EFEMP2: variants seen among roughly 807,000 people sequenced by gnomAD.
EFEMP2 encodes EGF-like fibulin extracellular matrix protein 2, also known as EGF-containing fibulin-like extracellular matrix protein 2.
Under a neutral mutation model 55.3 loss-of-function variants are expected in EFEMP2, and 21 were observed. The ratio of observed to expected loss-of-function variants is 0.38; its 90% CI spans 0.27 to 0.55. EFEMP2 has a LOEUF of 0.55. Among genes scored for constraint, EFEMP2 ranks in the 20% least tolerant of loss-of-function variants. The pLI, the probability that EFEMP2 is intolerant of heterozygous loss-of-function variation, is 0.77. For missense variants in EFEMP2, 513 were observed against 615.1 expected (o/e 0.83, Z 1.76); for synonymous variants, 275 against 242.3 (o/e 1.14, Z -1.25).
rs759435892 is a variant in EFEMP2, at chr11:65,866,660, A to C, written c.*258T>G. The stretch of plus-strand genomic sequence containing the variant: ...CGTTACCTCCTCTCCTCTCGGGGTG[A>C]CTGAAGCTCGTGGTGCAGAGCTCCC... On this transcript the variant is annotated 3_prime_UTR_variant, in exon 11 of 11. Transcript: ENST00000307998. The C allele has an allele frequency of 1.4e-6, 1 of 703,886 alleles. No individual in the cohort carries two copies. The highest frequency in any genetic ancestry group is 2.6e-6 in the Non-Finnish European group (1 of 385,856). 43.6% of individuals were successfully genotyped at this position (703,886 alleles called of 1,614,324 possible).
intron 10 of EFEMP2, 189 bp downstream of exon 10, chr11:65,867,672 T>TCGTTAGAATTGCATTTAAC: frequency 6.0e-6 from 4 of 666,194 alleles, no homozygotes; most frequent in Admixed American, 2.3e-5. Flanking sequence ...TCCGAGTGCT[T>TCGTTAGAATTGCATTTAAC]CGTTAGAATT....
chr11:65,870,218 G>C lies in EFEMP2; in HGVS notation c.510C>G (p.Tyr170Ter). The change falls in exon 6 of 11, where the codon TAC (tyrosine) becomes TAG (stop). Residue 170 changes from tyrosine to a stop codon, truncating the protein, a stop_gained. Coordinates refer to ENST00000307998, the MANE Select transcript of EFEMP2 (RefSeq NM_016938.5). LOFTEE classifies it high-confidence loss of function. ...TCACGCAGCGGTGCTGGCAGTAGCG[G>C]TAGCGGCACTCGTCTATGTCTAGGG... ...PECVDIDECR[Y>*]RYCQHRCVNL... is the part of the protein sequence containing the mutation. 6.2e-7 allele frequency: 1 copy of C among 1,613,566 alleles called. No individual in the cohort carries two copies. Among genetic ancestry groups the C allele is most frequent in the East Asian group, 2.2e-5 (1 of 44,884 alleles).
intron 2 of EFEMP2, 72 bp downstream of exon 2, chr11:65,872,172 C>T: frequency 6.7e-7 from 1 of 1,499,442 alleles, no homozygotes; most frequent in Non-Finnish European, 9.1e-7. Context: ...TCCCCGGCAG[C>T]AGTCACCCTG....
At chr11:65,869,682 C>T (rs1215211746) in intron 7 of EFEMP2, 175 bp downstream of exon 7, 50 of 924,382 alleles carry the variant, frequency 5.4e-5, no homozygotes, top group Non-Finnish European at 8.1e-5. Flanking sequence ...CCTTGTGCCT[C>T]CCCCACTAGC....
At chr11:65,872,166 C>T (rs960776544) in intron 2 of EFEMP2, 78 bp downstream of exon 2, 127 of 1,497,604 alleles carry the variant, frequency 8.5e-5, no homozygotes, top group Non-Finnish European at 1.1e-4. Context: ...AAGACTTCCC[C>T]GGCAGCAGTC....
rs1246395807 is a variant in EFEMP2, at chr11:65,868,068, G to A, written c.975-12C>T. On this transcript the variant is annotated splice_polypyrimidine_tract_variant and intron_variant, in intron 9 of 10. Coordinates refer to ENST00000307998, the MANE Select transcript of EFEMP2 (RefSeq NM_016938.5). ...GGCAGAGACAGCGGCTAGAGACCCC[G>A]AGGTGGGGGACACAAATGAGCTCCT... 70 of 1,612,950 alleles carry A rather than the reference G, an allele frequency of 4.3e-5. No homozygotes were observed. The highest frequency in any genetic ancestry group is 1.7e-4 in the Middle Eastern group (1 of 5,870).
Position 65,870,527 on chromosome 11 carries a change from T to C in EFEMP2, c.490+9A>G, listed in dbSNP as rs1465424178. 2 of 1,613,708 alleles carry C rather than the reference T, an allele frequency of 1.2e-6. No homozygotes were observed. Among genetic ancestry groups the C allele is most frequent in the Non-Finnish European group, 1.7e-6 (2 of 1,179,904 alleles). ...AGCCGGGACTACAGAAGCTGCTTCCTGGACTCACCCACACACTCGGGCCCG... is the reference window on the plus strand; with the variant it reads ...AGCCGGGACTACAGAAGCTGCTTCCCGGACTCACCCACACACTCGGGCCCG... On this transcript the variant is annotated intron_variant, in intron 5 of 10. Coordinates refer to ENST00000307998, the MANE Select transcript of EFEMP2 (RefSeq NM_016938.5).
chr11:65,870,489 A>G, intron 5 of EFEMP2, 47 bp downstream of exon 5: 1 of 1,612,444 alleles, frequency 6.2e-7, no homozygotes. Flanking sequence ...CAAGGGCCAG[A>G]CCAGGGACAC....
chr11:65,870,107 C>T lies in EFEMP2; in HGVS notation c.607+14G>A. 2 of 1,613,214 alleles carry T rather than the reference C, an allele frequency of 1.2e-6. No homozygotes were observed. The highest frequency in any genetic ancestry group is 1.7e-6 in the Non-Finnish European group (2 of 1,179,618). On this transcript the variant is annotated intron_variant, in intron 6 of 10. Transcript: ENST00000307998. ...CTGCCCAGGACCCAGGAGCCTGGCCCAGCCCAGCCTCACCAACACAGGAGC... is the reference window on the plus strand; with the variant it reads ...CTGCCCAGGACCCAGGAGCCTGGCCTAGCCCAGCCTCACCAACACAGGAGC...
At chr11:65,871,077 C>T in intron 4 of EFEMP2, 80 bp downstream of exon 4, 1 of 1,523,294 alleles carries the variant, frequency 6.6e-7, no homozygotes, top group Non-Finnish European at 9.0e-7. Context: ...CCCTTTTGAG[C>T]TGGGGAGGAA....
At chr11:65,871,941 G>T (rs1173539997) in intron 3 of EFEMP2, 29 bp downstream of exon 3, 2 of 1,551,336 alleles carry the variant, frequency 1.3e-6, no homozygotes, top group Non-Finnish European at 1.7e-6. Context: ...CGGGTTCCTG[G>T]GGGTGTTTGG....
In EFEMP2 at chr11:65,871,252, A is replaced by T; in HGVS notation, c.272T>A (p.Leu91Gln). 1 of 1,614,022 alleles carries T rather than the reference A, an allele frequency of 6.2e-7. No individual in the cohort carries two copies. Among genetic ancestry groups the T allele is most frequent in the African/African-American group, 1.3e-5 (1 of 75,046 alleles). Residue 91 changes from leucine (L) to glutamine (Q), a missense_variant, in exon 4 of 11, where the codon CTA becomes CAA. Leu to Gln is a moderately radical substitution (Grantham distance 113). Coordinates refer to ENST00000307998, the MANE Select transcript of EFEMP2 (RefSeq NM_016938.5). ...TGGTGGCGGGGGTCCCTCGCCGTGTAGGTCGTTGATGACGGCAGCGGAGCG... is the reference window on the plus strand; with the variant it reads ...TGGTGGCGGGGGTCCCTCGCCGTGTTGGTCGTTGATGACGGCAGCGGAGCG... ...LPRSAAVIND[L>Q]HGEGPPPPVP...
chr11:65,867,830 G>A, intron 10 of EFEMP2, 31 bp downstream of exon 10: 1 of 1,610,882 alleles, frequency 6.2e-7, no homozygotes, highest in East Asian at 2.2e-5. Flanking sequence ...TTTAGATTGT[G>A]CATGTCAGTT....
chr11:65,867,222 C>T (rs1591064935), intron 10 of EFEMP2, 143 bp from the exon 11 acceptor site: 1 of 903,686 alleles, frequency 1.1e-6, no homozygotes, highest in Non-Finnish European at 1.7e-6. Context: ...TCATGCAGCT[C>T]TTTGACACCC....
At chr11:65,869,722 G>A (rs1056024938) in intron 7 of EFEMP2, 135 bp downstream of exon 7, 7 of 1,387,410 alleles carry the variant, frequency 5.0e-6, no homozygotes, top group South Asian at 1.2e-5. Context: ...AGCCGGGGTC[G>A]AGTACCCAGG....
At chr11:65,870,423 T>C in intron 5 of EFEMP2, 113 bp downstream of exon 5, 1 of 1,524,094 alleles carries the variant, frequency 6.6e-7, no homozygotes, top group Non-Finnish European at 9.0e-7. Flanking sequence ...TGACGGAGGG[T>C]GAGGTGGCAG....
chr11:65,870,483 G>A (rs1052806457), intron 5 of EFEMP2, 53 bp downstream of exon 5: 4 of 1,611,182 alleles, frequency 2.5e-6, no homozygotes, highest in East Asian at 2.2e-5. Flanking sequence ...CTAGGGCAAG[G>A]GCCAGACCAG....
chr11:65,867,833 T>A, intron 10 of EFEMP2, 28 bp downstream of exon 10: 14 of 1,612,554 alleles, frequency 8.7e-6, no homozygotes, highest in Non-Finnish European at 1.2e-5. Context: ...AGATTGTGCA[T>A]GTCAGTTGAG....
At chr11:65,868,267 G>T in intron 9 of EFEMP2, 28 bp downstream of exon 9, 2 of 1,613,136 alleles carry the variant, frequency 1.2e-6, no homozygotes, top group Non-Finnish European at 1.7e-6. Flanking sequence ...CGTAGTTTCT[G>T]TGGGGGCCTG....
Sources: gnomAD v4.1 joint callset for allele counts on GRCh38, gnomAD v4.1.1 for gene constraint, MANE v1.5 for transcripts, NCBI Gene and HGNC (gene_info 2026-07-23, HGNC 2026-07-21) for gene names.